The following EGF variants were observed in gnomAD, a reference collection of about 807,000 sequenced individuals.
The protein encoded by EGF is pro-epidermal growth factor.
EGF carries 95 observed loss-of-function variants against 143.8 expected under a neutral mutation model. That is an observed-to-expected ratio of 0.66 (90% CI 0.56 to 0.78). The LOEUF (loss-of-function observed/expected upper bound fraction) is 0.78, where lower values mean the gene tolerates loss of function less well. EGF is among the 30% of genes least tolerant of loss of function. The probability of loss-of-function intolerance (pLI) is 0.00; values close to 1 mark genes in which losing one functional copy is unlikely to be tolerated. For missense variants in EGF, 1,320 were observed against 1,470.9 expected, an observed-to-expected ratio of 0.90 and a Z score of 1.68; for synonymous variants, 510 against 510.5, an observed-to-expected ratio of 1.00 and a Z score of 0.01.
At chr4:109,924,460 GAATTAACTCA>G (rs1560630571) in intron 1 of EGF, among the ~76,000 whole-genome samples, 1 of 151,614 alleles carries the variant, frequency 6.6e-6, no homozygotes, top group African/African-American at 2.4e-5. Flanking sequence ...TTACATCCAT[GAATTAACTCA>G]AATCAAGTCA....
chr4:110,002,576 T>C lies in EGF; in HGVS notation c.3174-1929T>C, dbSNP rs1001129735. On this transcript the variant is annotated intron_variant, in intron 21 of 23. Coordinates refer to ENST00000265171, the MANE Select transcript of EGF (RefSeq NM_001963.6). ...ATTCTAATCTTATTAGTTTAAAACA[T>C]GTGATTTCTTGGAAGGACTCCCTTG... Among the ~76,000 whole-genome samples, 9 of 152,084 alleles carry C rather than the reference T, an allele frequency of 5.9e-5. No homozygotes were observed. The East Asian group carries it at 1.5e-3, about 26-fold the overall frequency.
intron 22 of EGF, 65 bp downstream of exon 22, chr4:110,004,687 A>G (rs1278869609): frequency 4.8e-6 from 6 of 1,239,322 alleles, no homozygotes; most frequent in East Asian, 4.0e-5. Context: ...CATTTTTTCT[A>G]TTTTTTCACT....
rs760115950 is a variant in EGF at position 110,004,486 on chromosome 4, A to C, written c.3174-19A>C. 1.2e-6 allele frequency: 2 copies of C among 1,610,814 alleles called. No individual in the cohort carries two copies. Among genetic ancestry groups the C allele is most frequent in the African/African-American group, 2.7e-5 (2 of 74,814 alleles). On this transcript the variant is annotated intron_variant, in intron 21 of 23. Transcript: ENST00000265171. ...TTTGTTTTGTTGTGAGATTGTCTCA[A>C]ATTTTGGCTTTATCACAGGACTCAG...
intron 13 of EGF, 77 bp downstream of exon 13, chr4:109,976,312 C>T (rs1560722819): frequency 4.1e-6 from 5 of 1,226,596 alleles, no homozygotes; most frequent in Non-Finnish European, 5.9e-6. Flanking sequence ...TGTTTACACA[C>T]ACACACATAC....
chr4:109,984,895 A>G (rs1749914245), intron 16 of EGF, among the ~76,000 whole-genome samples: 3 of 152,214 alleles, frequency 2.0e-5, no homozygotes, highest in Admixed American at 1.3e-4. Context: ...TTTGGCATAC[A>G]CTGTGCTAAG....
At chr4:109,927,438 G>A (rs750736905) in intron 1 of EGF, among the ~76,000 whole-genome samples, 19 of 152,054 alleles carry the variant, frequency 1.2e-4, no homozygotes, top group South Asian at 2.1e-4. Context: ...CCAAAGACAT[G>A]TCCAGGCCGG....
At chr4:110,002,099 T>C (rs1752643270) in intron 21 of EGF, 1 of 943,298 alleles carries the variant, frequency 1.1e-6, no homozygotes, top group Admixed American at 6.2e-5. Context: ...ACTGTTTTTC[T>C]TTAAAGGGTT....
chr4:109,976,294 A>G, intron 13 of EGF, 59 bp downstream of exon 13: 1 of 1,416,226 alleles, frequency 7.1e-7, no homozygotes, highest in Non-Finnish European at 9.9e-7. Flanking sequence ...AGTGTTAAAT[A>G]CAAAATATGT....
intron 16 of EGF, among the ~76,000 whole-genome samples, chr4:109,984,636 G>GA (rs913560796): frequency 6.6e-6 from 1 of 152,026 alleles, no homozygotes; most frequent in African/African-American, 2.4e-5. Flanking sequence ...GTGTTCAGTT[G>GA]AAAAAAATCC....
chr4:109,951,466 A>G (rs550811732), intron 5 of EGF, among the ~76,000 whole-genome samples: 2 of 152,016 alleles, frequency 1.3e-5, no homozygotes, highest in Admixed American at 1.3e-4. Context: ...ATCTGAGTAC[A>G]TAGGTTTTTT....
chr4:110,005,034 G>T (rs1578406812), intron 22 of EGF, among the ~76,000 whole-genome samples: 69 of 112,890 alleles, frequency 6.1e-4, no homozygotes, highest in South Asian at 1.5e-3. Flanking sequence ...CTTTTTCTCT[G>T]TCTTTTTTTT....
At chr4:109,951,244 G>A (rs1345033060) in intron 5 of EGF, among the ~76,000 whole-genome samples, 2 of 152,058 alleles carry the variant, frequency 1.3e-5, no homozygotes. Flanking sequence ...TGTAATCCCA[G>A]CTATTTGGGA....
chr4:109,914,186 A>G lies in EGF; in HGVS notation c.127+724A>G, dbSNP rs888616299. Reference sequence around the variant, plus strand: ...TGCCAAAGGATATTGCCTGAAAAACATTCTCTCTCTAACTGTTAATTCATT... The same window carrying G: ...TGCCAAAGGATATTGCCTGAAAAACGTTCTCTCTCTAACTGTTAATTCATT... On this transcript the variant is annotated intron_variant, in intron 1 of 23. Coordinates refer to ENST00000265171, the MANE Select transcript of EGF (RefSeq NM_001963.6). Among the ~76,000 whole-genome samples the G allele has an allele frequency of 3.9e-5, 6 of 152,354 alleles. No homozygotes were observed. The South Asian group carries it at 1.2e-3, about 32-fold the overall frequency.
intron 1 of EGF, among the ~76,000 whole-genome samples, chr4:109,925,470 A>G (rs1416286162): frequency 9.9e-5 from 15 of 152,204 alleles, no homozygotes; most frequent in Admixed American, 8.5e-4. Flanking sequence ...CTTTTTAACA[A>G]TCTCTGAGGT....
chr4:109,980,946 T>C lies in EGF; in HGVS notation c.2342T>C (p.Leu781Pro). The C allele has an allele frequency of 6.2e-7, 1 of 1,614,148 alleles. No individual in the cohort carries two copies. The highest frequency in any genetic ancestry group is 8.5e-7 in the Non-Finnish European group (1 of 1,179,984). Residue 781 changes from leucine (L) to proline (P), a missense_variant, in exon 15 of 24, where the codon CTG (leucine) becomes CCG (proline). Leu to Pro is a moderately conservative substitution (Grantham distance 98). This residue lies in a region of EGF where 1,186 missense variants were observed against 1,313.7 expected (regional missense o/e 0.90). Transcript: ENST00000265171. ...FMKASDGKTC[L>P]ALDGHQLLAG... ...AAAGCCTCAGATGGGAAAACGTGTC[T>C]GGCTCTGGATGGTCATCAGCTGTTG...
intron 22 of EGF, among the ~76,000 whole-genome samples, chr4:110,005,982 C>T (rs1486874000): frequency 6.6e-6 from 1 of 152,090 alleles, no homozygotes; most frequent in African/African-American, 2.4e-5. Context: ...CTTTTCCTAC[C>T]TGTAATAGGC....
At position 109,970,686 on chromosome 4, in the gene EGF, C is replaced by T. The variant is rs1000083582; in HGVS notation, c.1724+1567C>T. Among the ~76,000 whole-genome samples, 15 of 151,828 alleles carry T rather than the reference C, an allele frequency of 9.9e-5. No homozygotes were observed. The South Asian group carries it at 1.9e-3, about 19-fold the overall frequency. On this transcript the variant is annotated intron_variant, in intron 11 of 23. Transcript: ENST00000265171. ...CTAAAAATACAAAAAATTAGCCGGG[C>T]GGGTGGTGGGCGCCTGTAGTCCCAG...
chr4:109,917,221 A>G (rs1410436320), intron 1 of EGF, among the ~76,000 whole-genome samples: 1 of 152,208 alleles, frequency 6.6e-6, no homozygotes, highest in Non-Finnish European at 1.5e-5. Flanking sequence ...TATTAAAAGC[A>G]TATAAAAATG....
intron 1 of EGF, among the ~76,000 whole-genome samples, chr4:109,933,211 T>C (rs950671882): frequency 1.3e-5 from 2 of 152,196 alleles, no homozygotes; most frequent in East Asian, 1.9e-4. Flanking sequence ...TTCTGTCTAG[T>C]GCCCTTTCCC....
Sources: gnomAD v4.1 joint callset for allele counts (sites outside exome capture counted in the v4.1 genomes callset) on GRCh38, gnomAD v4.1.1 for gene constraint, gnomAD v4.1.1 regional missense constraint, MANE v1.5 for transcripts, NCBI Gene and HGNC (gene_info 2026-07-23, HGNC 2026-07-21) for gene names.